The following NEMF variants were observed in gnomAD, a reference collection of about 807,000 sequenced individuals.
The protein encoded by NEMF is nuclear export mediator factor.
NEMF carries 89 observed loss-of-function variants against 162.2 expected under a neutral mutation model. The observed-to-expected ratio is 0.55, with a 90% CI of 0.46 to 0.65. The LOEUF (loss-of-function observed/expected upper bound fraction) is 0.65. NEMF is among the 30% of genes least tolerant of loss of function. The pLI is 0.00. For synonymous variants in NEMF, 421 were observed against 404.5 expected (o/e 1.04, Z -0.49); for missense variants, 1,133 against 1,261.9 (o/e 0.90, Z 1.55).
chr14:49,796,427 C>A (rs776324356), intron 25 of NEMF: 77 of 374,178 alleles, frequency 2.1e-4, no homozygotes, highest in Non-Finnish European at 3.3e-4. Context: ...TAGTTCAGGT[C>A]CTCATTACAT....
Position 49,851,615 on chromosome 14 carries a change from G to T in NEMF, c.179C>A (p.Thr60Lys). 6.2e-7 allele frequency: 1 copy of T among 1,613,918 alleles called. No homozygotes were observed. The highest frequency in any genetic ancestry group is 8.5e-7 in the Non-Finnish European group (1 of 1,179,924). ...ATTCTTAGGCCACTCAAATTCTGTT[G>T]TATGAATTCGTATGCCAGATTCAAG... ...LLLESGIRIH[T>K]TEFEWPKNMM... is the part of the protein sequence containing the mutation. Residue 60 changes from threonine (T) to lysine (K), a missense_variant, in exon 3 of 33, where the codon ACA (threonine) becomes AAA (lysine). Coordinates refer to ENST00000298310, the MANE Select transcript of NEMF (RefSeq NM_004713.6).
chr14:49,815,262 GTAAT>G (rs1188599084), intron 16 of NEMF, among the ~76,000 whole-genome samples: 1 of 152,026 alleles, frequency 6.6e-6, no homozygotes, highest in African/African-American at 2.4e-5. Context: ...ATAAATGAAC[GTAAT>G]TAATCTTTAA....
intron 16 of NEMF, among the ~76,000 whole-genome samples, chr14:49,818,105 C>T (rs544648619): frequency 5.0e-4 from 70 of 140,436 alleles, no homozygotes; most frequent in East Asian, 4.0e-4. Context: ...TTTTTTTTTC[C>T]GAGACAGAGT....
At chr14:49,812,616 A>G (rs1018745609) in intron 18 of NEMF, among the ~76,000 whole-genome samples, 2 of 152,082 alleles carry the variant, frequency 1.3e-5, no homozygotes, top group Non-Finnish European at 2.9e-5. Flanking sequence ...CGTTCATCTC[A>G]AAGTGTTTTG....
intron 16 of NEMF, among the ~76,000 whole-genome samples, chr14:49,817,740 T>TA (rs1404013668): frequency 6.6e-6 from 1 of 152,146 alleles, no homozygotes; most frequent in Non-Finnish European, 1.5e-5. Context: ...ACAAAGTCTT[T>TA]AAAAAAACAC....
intron 9 of NEMF, 28 bp from the exon 10 acceptor site, chr14:49,832,154 T>C: frequency 1.9e-6 from 3 of 1,596,172 alleles, no homozygotes; most frequent in Non-Finnish European, 2.6e-6. Flanking sequence ...TATATCACAT[T>C]CGAGAACATT....
intron 16 of NEMF, 38 bp from the exon 17 acceptor site, chr14:49,814,895 T>C (rs1475076158): frequency 6.7e-6 from 8 of 1,192,436 alleles, no homozygotes; most frequent in East Asian, 2.4e-5. Flanking sequence ...CTTTTCTTTA[T>C]AGCTGCCTGA....
intron 11 of NEMF, 88 bp from the exon 12 acceptor site, chr14:49,829,514 A>G: frequency 1.9e-6 from 2 of 1,067,550 alleles, no homozygotes; most frequent in Non-Finnish European, 2.8e-6. Context: ...CACTATCCTG[A>G]CCCCATCTAT....
In NEMF at chr14:49,802,536, C is replaced by T. The variant is rs369742269; in HGVS notation, c.2012G>A (p.Arg671Gln). 5.0e-6 allele frequency: 8 copies of T among 1,613,796 alleles called. No individual in the cohort carries two copies. In the African/African-American group the frequency reaches 1.1e-4, roughly 22 times the overall value. The change falls in exon 22 of 33, where the codon CGA becomes CAA. Residue 671 changes from arginine (R) to glutamine (Q), a missense_variant. Around this residue, in one of 3 missense-constraint regions of NEMF, gnomAD observed 532 missense variants for 578.6 expected, o/e 0.92. Coordinates refer to ENST00000298310, the MANE Select transcript of NEMF (RefSeq NM_004713.6). ...GTCTTCATCCTGTACTCTGACTTTT[C>T]GTTCACCCTGATGTCTCCAAACACA... ...ESCVWRHQGE[R>Q]KVRVQDEDME...
chr14:49,838,793 C>A (rs1250024697), intron 5 of NEMF, among the ~76,000 whole-genome samples: 2 of 151,940 alleles, frequency 1.3e-5, no homozygotes, highest in Non-Finnish European at 2.9e-5. Flanking sequence ...ACCGTGTTAG[C>A]CAGGATGGTC....
intron 16 of NEMF, among the ~76,000 whole-genome samples, 190 bp downstream of exon 16, chr14:49,825,677 A>G (rs1892302222): frequency 6.6e-6 from 1 of 152,246 alleles, no homozygotes; most frequent in African/African-American, 2.4e-5. Context: ...TCAATGCTAC[A>G]GTGAGCCATG....
chr14:49,822,149 A>G (rs1017031421), intron 16 of NEMF, among the ~76,000 whole-genome samples: 1 of 152,056 alleles, frequency 6.6e-6, no homozygotes, highest in African/African-American at 2.4e-5. Context: ...CCCAATCTCA[A>G]GTACCTAGGG....
intron 3 of NEMF, 35 bp from the exon 4 acceptor site, chr14:49,846,300 A>G: frequency 1.9e-6 from 3 of 1,598,784 alleles, no homozygotes; most frequent in East Asian, 2.2e-5. Context: ...TCATTTAGTA[A>G]AAGTGAATTC....
Position 49,833,442 on chromosome 14 carries a change from G to T in NEMF, c.716C>A (p.Thr239Lys). Residue 239 changes from threonine (T) to lysine (K), a missense_variant, in exon 8 of 33, where the codon ACA becomes AAA. Thr to Lys is a moderately conservative substitution (Grantham distance 78). Coordinates refer to ENST00000298310, the MANE Select transcript of NEMF (RefSeq NM_004713.6). ...TGCTACCTTCCCACTGAAGTTGGAT[G>T]TTGTTTTCATATAGTCTTCTGCTTT... Reference protein sequence around the residue: ...LQKAEDYMKTTSNFSGKGYII... With the variant: ...LQKAEDYMKTKSNFSGKGYII... 1.3e-6 allele frequency: 2 copies of T among 1,585,030 alleles called. No individual in the cohort carries two copies. The highest frequency in any genetic ancestry group is 1.1e-5 in the South Asian group (1 of 87,732).
In NEMF at chr14:49,828,668, G is replaced by A; in HGVS notation, c.1372C>T (p.Pro458Ser). 6.3e-7 allele frequency: 1 copy of A among 1,597,318 alleles called. No homozygotes were observed. The highest frequency in any genetic ancestry group is 8.5e-7 in the Non-Finnish European group (1 of 1,175,746). ...CTGAGATCAACATCTACAAGTAAGG[G>A]CTTATTTTTCTGAGGCTTCTGCAGC... ...KQLQKPQKNK[P>S]LLVDVDLSLS... The change falls in exon 14 of 33, where the codon CCC becomes TCC. Residue 458 changes from proline (P) to serine (S), a missense_variant. Around this residue, in one of 3 missense-constraint regions of NEMF, gnomAD observed 582 missense variants for 631.5 expected, o/e 0.92. Coordinates refer to ENST00000298310, the MANE Select transcript of NEMF (RefSeq NM_004713.6).
In NEMF at chr14:49,782,884, C is replaced by A. The variant is rs148198716; in HGVS notation, c.*1752G>T. On this transcript the variant is annotated 3_prime_UTR_variant, in exon 33 of 33. Transcript: ENST00000298310. ...AAGAAATGTTAGCCAACTCATGGAACTGCCTTCCAAAACACTTACTTCACA... is the reference window on the plus strand; with the variant it reads ...AAGAAATGTTAGCCAACTCATGGAAATGCCTTCCAAAACACTTACTTCACA... 3.6e-5 allele frequency: 58 copies of A among 1,613,534 alleles called. No homozygotes were observed. Among genetic ancestry groups the A allele is most frequent in the Non-Finnish European group, 4.6e-5 (54 of 1,179,630 alleles).
rs953229048 is a variant in NEMF at position 49,784,000 on chromosome 14, C to T, written c.*636G>A. 9.9e-5 allele frequency: 15 copies of T among 151,872 alleles called. No homozygotes were observed. Among genetic ancestry groups the T allele is most frequent in the African/African-American group, 2.9e-4 (12 of 41,332 alleles). The allele number at this position is 151,872 out of a possible 1,614,324, so 9.4% of individuals were successfully genotyped here. A position where few individuals can be genotyped will look rare whatever the true frequency, so the allele number is the denominator to read the frequency against. On this transcript the variant is annotated 3_prime_UTR_variant, in exon 33 of 33. Coordinates refer to ENST00000298310, the MANE Select transcript of NEMF (RefSeq NM_004713.6). ...GTTATATACAGTAGACTTACCAAGTCAATAGTTTAAGCAATCAAGCCACTT... is the reference window on the plus strand; with the variant it reads ...GTTATATACAGTAGACTTACCAAGTTAATAGTTTAAGCAATCAAGCCACTT...
At chr14:49,850,134 G>C (rs1057077968) in intron 3 of NEMF, among the ~76,000 whole-genome samples, 2 of 151,988 alleles carry the variant, frequency 1.3e-5, no homozygotes, top group South Asian at 4.2e-4. Context: ...ATGGAGTCTC[G>C]CTCTGTCGCC....
rs751109912 is a variant in NEMF, at chr14:49,833,504, T to TG, written c.662-9dup. On this transcript the variant is annotated splice_polypyrimidine_tract_variant and intron_variant, in intron 7 of 32. Coordinates refer to ENST00000298310, the MANE Select transcript of NEMF (RefSeq NM_004713.6). ...CAAGTACTTTTTCAATATCTAATGG[T>TG]GGGGGAAAAAAAGGAAAAAAGGAGT... 1.4e-5 allele frequency: 22 copies of TG among 1,548,544 alleles called. 1 individual carries two copies. The Admixed American group carries it at 1.5e-4, about 10-fold the overall frequency.
Sources: allele counts gnomAD v4.1 joint callset (sites outside exome capture counted in the v4.1 genomes callset), GRCh38; gene constraint gnomAD v4.1.1; regional missense constraint gnomAD v4.1.1; transcripts MANE v1.5; gene names NCBI Gene and HGNC (gene_info 2026-07-23, HGNC 2026-07-21).